Variants in CAMKMT observed in about 807,000 individuals in gnomAD.
CAMKMT encodes the protein CaM KMT.
A neutral mutation model predicts 48.0 loss-of-function variants in CAMKMT; 53 were observed. The observed-to-expected ratio is 1.10, with a 90% CI of 0.89 to 1.39. The LOEUF is 1.39. Among genes scored for constraint, CAMKMT ranks in the 40% most tolerant of loss-of-function variants. The probability of loss-of-function intolerance (pLI) is 0.00; values close to 1 mark genes in which losing one functional copy is unlikely to be tolerated. For synonymous variants in CAMKMT, 165 were observed against 152.3 expected (o/e 1.08, Z -0.61); for missense variants, 428 against 402.7 (o/e 1.06, Z -0.54).
chr2:44,476,774 C>T (rs996865191), intron 3 of CAMKMT, among the ~76,000 whole-genome samples: 1 of 152,048 alleles, frequency 6.6e-6, no homozygotes, highest in African/African-American at 2.4e-5. Flanking sequence ...ATCCACAGAC[C>T]TCGTGGTCTT....
intron 3 of CAMKMT, among the ~76,000 whole-genome samples, chr2:44,615,174 C>T (rs1671818369): frequency 6.6e-6 from 1 of 151,960 alleles, no homozygotes; most frequent in African/African-American, 2.4e-5. Context: ...GATCCCCCGA[C>T]CTCAGCCTCC....
At chr2:44,714,964 C>T (rs917584132) in intron 6 of CAMKMT, among the ~76,000 whole-genome samples, 21 of 152,096 alleles carry the variant, frequency 1.4e-4, no homozygotes, top group African/African-American at 4.6e-4. Context: ...GAAACTGAGA[C>T]AGGTGGATTA....
intron 3 of CAMKMT, among the ~76,000 whole-genome samples, chr2:44,576,259 C>G (rs1669212572): frequency 6.8e-6 from 1 of 148,066 alleles, no homozygotes; most frequent in South Asian, 2.1e-4. Flanking sequence ...ACCCAGGAAG[C>G]AGAGGTTGCA....
chr2:44,392,814 A>G (rs1681476212), intron 3 of CAMKMT, among the ~76,000 whole-genome samples: 1 of 152,068 alleles, frequency 6.6e-6, no homozygotes, highest in African/African-American at 2.4e-5. Flanking sequence ...ATAGAGAGTG[A>G]AAGTTCCATA....
chr2:44,595,449 G>A (rs537915848), intron 3 of CAMKMT, among the ~76,000 whole-genome samples: 1 of 152,240 alleles, frequency 6.6e-6, no homozygotes, highest in East Asian at 1.9e-4. Context: ...AACTTATAAG[G>A]ACCTCTTCAA....
intron 2 of CAMKMT, among the ~76,000 whole-genome samples, chr2:44,379,010 A>C (rs1196317958): frequency 2.0e-5 from 3 of 152,234 alleles, no homozygotes; most frequent in African/African-American, 7.2e-5. Context: ...CTTCACCACT[A>C]TTCCAGAACT....
chr2:44,636,912 C>T (rs78782417), intron 3 of CAMKMT, among the ~76,000 whole-genome samples: 1 of 152,290 alleles, frequency 6.6e-6, no homozygotes, highest in Non-Finnish European at 1.5e-5. Flanking sequence ...CACTTTACCT[C>T]ACCTCTCTCA....
chr2:44,447,988 G>C (rs914140987), intron 3 of CAMKMT, among the ~76,000 whole-genome samples: 1 of 152,074 alleles, frequency 6.6e-6, no homozygotes, highest in Non-Finnish European at 1.5e-5. Flanking sequence ...TTTATAAGTG[G>C]TATAATGCTA....
At chr2:44,733,474 T>C (rs769191204) in intron 7 of CAMKMT, among the ~76,000 whole-genome samples, 5 of 152,186 alleles carry the variant, frequency 3.3e-5, no homozygotes, top group Non-Finnish European at 5.9e-5. Context: ...TAATCTCCAG[T>C]GCAGTGTTGA....
At chr2:44,390,746 T>G (rs952460359) in intron 3 of CAMKMT, among the ~76,000 whole-genome samples, 5 of 152,178 alleles carry the variant, frequency 3.3e-5, no homozygotes, top group Non-Finnish European at 5.9e-5. Context: ...CAGAACATAT[T>G]TTTCTTGATG....
At chr2:44,454,776 G>C (rs1248989391) in intron 3 of CAMKMT, among the ~76,000 whole-genome samples, 1 of 152,038 alleles carries the variant, frequency 6.6e-6, no homozygotes, top group Non-Finnish European at 1.5e-5. Context: ...GGTCACTACT[G>C]TACTCTTTAG....
At chr2:44,467,218 C>G (rs1019416299) in intron 3 of CAMKMT, among the ~76,000 whole-genome samples, 1 of 151,912 alleles carries the variant, frequency 6.6e-6, no homozygotes, top group Non-Finnish European at 1.5e-5. Context: ...GATCATGACA[C>G]TGTACTCAGC....
intron 3 of CAMKMT, among the ~76,000 whole-genome samples, chr2:44,682,350 C>A (rs550775468): frequency 6.6e-6 from 1 of 152,284 alleles, no homozygotes; most frequent in African/African-American, 2.4e-5. Flanking sequence ...CTCCTACTTT[C>A]TTTTTCCCTT....
At chr2:44,429,795 G>T (rs1213041430) in intron 3 of CAMKMT, among the ~76,000 whole-genome samples, 1 of 107,232 alleles carries the variant, frequency 9.3e-6, no homozygotes, top group Non-Finnish European at 1.7e-5. Flanking sequence ...GCGACAGAGC[G>T]AGACTCCGTC....
intron 3 of CAMKMT, among the ~76,000 whole-genome samples, chr2:44,418,969 T>A (rs1274894167): frequency 6.6e-6 from 1 of 152,216 alleles, no homozygotes; most frequent in African/African-American, 2.4e-5. Context: ...TTTTGTTAAA[T>A]TTATTCCTAA....
Position 44,426,073 on chromosome 2 carries a change from T to A in CAMKMT, c.376+35768T>A, listed in dbSNP as rs149892529. 1.0e-3 allele frequency among the ~76,000 whole-genome samples: 158 copies of A among 152,304 alleles called. 1 individual carries two copies. Among genetic ancestry groups the A allele is most frequent in the African/African-American group, 3.7e-3 (155 of 41,570 alleles). On this transcript the variant is annotated intron_variant, in intron 3 of 10. Coordinates refer to ENST00000378494, the MANE Select transcript of CAMKMT (RefSeq NM_024766.5). ...GCAGAAAACTTAATAGCTTTGTTCA[T>A]GACTTAAAAAAAATACCATGAGAAT...
chr2:44,507,498 A>AGTAT (rs1219735497), intron 3 of CAMKMT, among the ~76,000 whole-genome samples: 1 of 152,116 alleles, frequency 6.6e-6, no homozygotes, highest in African/African-American at 2.4e-5. Flanking sequence ...TGTACCATGT[A>AGTAT]GTATGCCTTT....
At chr2:44,672,023 T>C (rs1675360094) in intron 3 of CAMKMT, among the ~76,000 whole-genome samples, 1 of 152,160 alleles carries the variant, frequency 6.6e-6, no homozygotes, top group Admixed American at 6.5e-5. Flanking sequence ...CCAAAATTGC[T>C]AGAGCTAAAA....
chr2:44,647,436 G>C (rs1673795359), intron 3 of CAMKMT, among the ~76,000 whole-genome samples: 1 of 152,158 alleles, frequency 6.6e-6, no homozygotes, highest in Admixed American at 6.5e-5. Context: ...AGACTTAAAA[G>C]AAGTGATGTG....
Sources: allele counts gnomAD v4.1 joint callset (sites outside exome capture counted in the v4.1 genomes callset), GRCh38; gene constraint gnomAD v4.1.1; transcripts MANE v1.5; gene names NCBI Gene and HGNC (gene_info 2026-07-23, HGNC 2026-07-21).